Variants in MYRIP observed in about 807,000 individuals in gnomAD.
MYRIP encodes myosin VIIA and Rab interacting protein, also known as rab effector MyRIP.
MYRIP carries 49 observed loss-of-function variants against 98.0 expected under a neutral mutation model. That is an observed-to-expected ratio of 0.50 (90% CI 0.40 to 0.63). The LOEUF is 0.63. Ranked by LOEUF, MYRIP falls within the 30% of genes least tolerant of loss-of-function variation. The pLI is 0.00. For missense variants in MYRIP, 1,004 were observed against 1,058.2 expected, an observed-to-expected ratio of 0.95 and a Z score of 0.71; for synonymous variants, 404 against 409.5, an observed-to-expected ratio of 0.99 and a Z score of 0.16.
intron 3 of MYRIP, among the ~76,000 whole-genome samples, chr3:40,102,355 C>T (rs1447419024): frequency 6.6e-6 from 1 of 152,180 alleles, no homozygotes; most frequent in Non-Finnish European, 1.5e-5. Flanking sequence ...CTTGATGGGG[C>T]TCTGATATAT....
intron 1 of MYRIP, among the ~76,000 whole-genome samples, chr3:39,893,819 T>C (rs1361479071): frequency 2.6e-5 from 4 of 152,164 alleles, no homozygotes; most frequent in Non-Finnish European, 5.9e-5. Flanking sequence ...ATGTCAGTGC[T>C]GTATCCACTT....
At chr3:40,087,439 G>C (rs1214730203) in intron 3 of MYRIP, among the ~76,000 whole-genome samples, 2 of 152,122 alleles carry the variant, frequency 1.3e-5, no homozygotes, top group Non-Finnish European at 2.9e-5. Flanking sequence ...ACAGAACAAA[G>C]AATACAAACT....
At chr3:40,247,065 T>C (rs2125717169) in intron 13 of MYRIP, among the ~76,000 whole-genome samples, 1 of 152,360 alleles carries the variant, frequency 6.6e-6, no homozygotes, top group Middle Eastern at 3.4e-3. Context: ...TCTGTTACAT[T>C]GTGTAGCAAA....
chr3:40,063,659 A>G (rs1362787737), intron 3 of MYRIP, among the ~76,000 whole-genome samples: 3 of 152,178 alleles, frequency 2.0e-5, no homozygotes, highest in African/African-American at 4.8e-5. Flanking sequence ...CATAGCTTAC[A>G]TGACAGTTAT....
At chr3:40,031,404 G>C (rs1449235728) in intron 2 of MYRIP, among the ~76,000 whole-genome samples, 1 of 152,162 alleles carries the variant, frequency 6.6e-6, no homozygotes, top group Non-Finnish European at 1.5e-5. Flanking sequence ...AGAGTGGTCT[G>C]TCTAATCCAG....
At chr3:39,921,026 C>T (rs749847498) in intron 2 of MYRIP, among the ~76,000 whole-genome samples, 4 of 152,144 alleles carry the variant, frequency 2.6e-5, no homozygotes, top group Non-Finnish European at 5.9e-5. Flanking sequence ...CAAAGGATCC[C>T]TCTGGCAGTA....
At chr3:39,820,840 C>T (rs544172379) in intron 1 of MYRIP, among the ~76,000 whole-genome samples, 35 of 152,236 alleles carry the variant, frequency 2.3e-4, no homozygotes, top group African/African-American at 8.2e-4. Context: ...TTGCTGAGAT[C>T]CCCTAAAGGC....
At chr3:40,099,798 TC>T (rs1948908165) in intron 3 of MYRIP, among the ~76,000 whole-genome samples, 1 of 152,218 alleles carries the variant, frequency 6.6e-6, no homozygotes, top group Non-Finnish European at 1.5e-5. Flanking sequence ...TGTCTTTGGC[TC>T]TTCCATATCT....
chr3:39,887,142 G>A lies in MYRIP; in HGVS notation c.-30-13645G>A, dbSNP rs564732481. Among the ~76,000 whole-genome samples, 13 of 152,034 alleles carry A rather than the reference G, an allele frequency of 8.6e-5. No homozygotes were observed. In the East Asian group the frequency reaches 1.2e-3, roughly 14 times the overall value. On this transcript the variant is annotated intron_variant, in intron 1 of 16. Transcript: ENST00000302541. The stretch of plus-strand genomic sequence containing the variant: ...AATAAAGATGTTCTTTGAAACCAAC[G>A]AGAACAAAGACACAACATACCAGAA...
intron 11 of MYRIP, among the ~76,000 whole-genome samples, chr3:40,212,331 A>G (rs1280128763): frequency 6.7e-6 from 1 of 148,460 alleles, no homozygotes; most frequent in Admixed American, 6.8e-5. Context: ...GCTCAGCCAC[A>G]TATATATATA....
chr3:39,916,432 G>A (rs1178880813), intron 2 of MYRIP, among the ~76,000 whole-genome samples: 4 of 149,632 alleles, frequency 2.7e-5, no homozygotes, highest in Non-Finnish European at 5.9e-5. Context: ...TCACACCAAA[G>A]ATACCTGGCC....
chr3:40,219,411 T>C (rs969220762), intron 11 of MYRIP, among the ~76,000 whole-genome samples: 1 of 152,222 alleles, frequency 6.6e-6, no homozygotes, highest in African/African-American at 2.4e-5. Context: ...TGTATACATG[T>C]GCCAAGTTGG....
intron 10 of MYRIP, among the ~76,000 whole-genome samples, chr3:40,192,328 C>CATATATATATATGTCATATAT (rs1553624974): frequency 1.1e-4 from 4 of 37,830 alleles, no homozygotes; most frequent in South Asian, 7.6e-4. Flanking sequence ...ATATATATGT[C>CATATATATATATGTCATATAT]ATATATATAT....
intron 11 of MYRIP, among the ~76,000 whole-genome samples, chr3:40,224,244 T>C (rs1952427070): frequency 6.6e-6 from 1 of 152,082 alleles, no homozygotes. Flanking sequence ...ATTATGAAGA[T>C]CACCCTGGCT....
intron 1 of MYRIP, among the ~76,000 whole-genome samples, chr3:39,896,359 G>T (rs947672917): frequency 5.9e-5 from 9 of 152,192 alleles, no homozygotes; most frequent in Admixed American, 2.0e-4. Context: ...TTTCAGAGAA[G>T]GGGCCAGTTC....
intron 3 of MYRIP, among the ~76,000 whole-genome samples, chr3:40,115,537 C>T (rs1166363612): frequency 6.6e-6 from 1 of 152,206 alleles, no homozygotes; most frequent in African/African-American, 2.4e-5. Flanking sequence ...ATTCAGTTAT[C>T]TCCACCTGCT....
At chr3:40,014,878 G>A (rs552989078) in intron 2 of MYRIP, among the ~76,000 whole-genome samples, 147 of 152,302 alleles carry the variant, frequency 9.7e-4, no homozygotes, top group African/African-American at 3.4e-3. Context: ...TACAGTTTTT[G>A]TCTGGGCTTG....
intron 8 of MYRIP, chr3:40,174,704 C>G (rs1365576117): frequency 1.3e-5 from 2 of 152,244 alleles, no homozygotes; most frequent in African/African-American, 2.4e-5. Context: ...GAACCTTTCC[C>G]TTCAGGCTTC....
chr3:40,112,281 C>A (rs1054060315), intron 3 of MYRIP, among the ~76,000 whole-genome samples: 3 of 151,346 alleles, frequency 2.0e-5, no homozygotes, highest in African/African-American at 7.3e-5. Flanking sequence ...GGAAGAAGAG[C>A]AAAGGGAGGG....
Sources: allele counts gnomAD v4.1 joint callset (sites outside exome capture counted in the v4.1 genomes callset), GRCh38; gene constraint gnomAD v4.1.1; transcripts MANE v1.5; gene names NCBI Gene and HGNC (gene_info 2026-07-23, HGNC 2026-07-21).